ZC3H7A: variants seen among roughly 807,000 people sequenced by gnomAD.
ZC3H7A encodes the protein zinc finger CCCH-type containing 7A, also known as zinc finger CCCH domain-containing protein 7A.
Under a neutral mutation model 125.5 loss-of-function variants are expected in ZC3H7A, and 44 were observed. That is an observed-to-expected ratio of 0.35 (90% CI 0.28 to 0.45). The LOEUF is 0.45. ZC3H7A is among the 20% of genes least tolerant of loss of function. The pLI, the probability that ZC3H7A is intolerant of heterozygous loss-of-function variation, is 1.00. For synonymous variants in ZC3H7A, 399 were observed against 391.2 expected, an observed-to-expected ratio of 1.02 and a Z score of -0.23; for missense variants, 977 against 1,170.7, an observed-to-expected ratio of 0.83 and a Z score of 2.41.
chr16:11,772,577 G>C (rs530719802), intron 9 of ZC3H7A, among the ~76,000 whole-genome samples: 22 of 151,710 alleles, frequency 1.5e-4, no homozygotes, highest in Admixed American at 6.6e-4. Context: ...TCAGTCTTTT[G>C]CACACTGACA....
chr16:11,759,724 G>C (rs1280610652), intron 19 of ZC3H7A: 3 of 152,222 alleles, frequency 2.0e-5, no homozygotes, highest in Admixed American at 6.5e-5. Context: ...TAACTTGACT[G>C]GGGCCCTTCT....
At chr16:11,769,841 G>A (rs1213008112) in intron 10 of ZC3H7A, among the ~76,000 whole-genome samples, 1 of 124,238 alleles carries the variant, frequency 8.0e-6, no homozygotes, top group Non-Finnish European at 1.6e-5. Context: ...CCATGCTGGA[G>A]TGCAGGGGTG....
intron 2 of ZC3H7A, among the ~76,000 whole-genome samples, 183 bp from the exon 3 acceptor site, chr16:11,781,647 T>C (rs926172763): frequency 1.2e-5 from 1 of 84,952 alleles, no homozygotes; most frequent in Middle Eastern, 4.9e-3. Context: ...AAAAAATACA[T>C]ATACATATAT....
In ZC3H7A at chr16:11,772,527, C is replaced by T. The variant is rs114240813; in HGVS notation, c.904-1540G>A. Among the ~76,000 whole-genome samples, 480 of 151,788 alleles carry T rather than the reference C, an allele frequency of 3.2e-3. 7 individuals carry two copies. The highest frequency in any genetic ancestry group is 0.011 in the African/African-American group (435 of 41,142). ...TGATGCACTATGATGAAGTAACTTGCCCAGTATCACAGAGCTGGTAAGAAT... is the reference window on the plus strand; with the variant it reads ...TGATGCACTATGATGAAGTAACTTGTCCAGTATCACAGAGCTGGTAAGAAT... On this transcript the variant is annotated intron_variant, in intron 9 of 22. Coordinates refer to ENST00000355758, the MANE Select transcript of ZC3H7A (RefSeq NM_014153.4).
chr16:11,761,589 G>A, intron 18 of ZC3H7A, 78 bp from the exon 19 acceptor site: 1 of 1,451,310 alleles, frequency 6.9e-7, no homozygotes, highest in South Asian at 1.2e-5. Context: ...CACAAAGTTT[G>A]TACCTGAGGA....
At chr16:11,760,476 T>C (rs2141167270) in intron 19 of ZC3H7A, among the ~76,000 whole-genome samples, 1 of 152,364 alleles carries the variant, frequency 6.6e-6, no homozygotes, top group Non-Finnish European at 1.5e-5. Context: ...AGGCTGGCTG[T>C]GTTACTTGTG....
At chr16:11,779,094 T>C in intron 4 of ZC3H7A, 72 bp downstream of exon 4, 1 of 1,256,750 alleles carries the variant, frequency 8.0e-7, no homozygotes, top group South Asian at 1.4e-5. Context: ...AAATTGACTT[T>C]TTATTAATGT....
chr16:11,774,522 G>A lies in ZC3H7A; in HGVS notation c.620-3C>T. 1 of 1,517,434 alleles carries A rather than the reference G, an allele frequency of 6.6e-7. No individual in the cohort carries two copies. Among genetic ancestry groups the A allele is most frequent in the South Asian group, 1.4e-5 (1 of 73,164 alleles). The allele number at this position is 1,517,434 out of a possible 1,614,324, so 94.0% of individuals were successfully genotyped here. ...TTCTTGCCTTGGAGTTAATAAATCT[G>A]TAACACAGATGGAAATGTACTCAGT... On this transcript the variant is annotated splice_region_variant and splice_polypyrimidine_tract_variant and intron_variant, in intron 8 of 22. Transcript: ENST00000355758.
Position 11,768,488 on chromosome 16 carries a change from C to A in ZC3H7A, c.1187G>T (p.Gly396Val). 2 of 1,471,320 alleles carry A rather than the reference C, an allele frequency of 1.4e-6. No homozygotes were observed. Among genetic ancestry groups the A allele is most frequent in the South Asian group, 1.5e-5 (1 of 66,874 alleles). 91.1% of individuals were successfully genotyped at this position (1,471,320 alleles called of 1,614,324 possible). A position where few individuals can be genotyped will look rare whatever the true frequency, so the allele number is the denominator to read the frequency against. ...NSSLLLMNGP[G>V]SLFASENFLG... ...GAAATTCTCTGAAGCAAACAAACTA[C>A]CTGGTCCATTCATCTGCAAGAAAAA... The change falls in exon 12 of 23, where the codon GGT becomes GTT. Residue 396 changes from glycine (G) to valine (V), a missense_variant. Physicochemically the swap from Gly to Val is moderately radical, Grantham distance 109. This residue lies in a region of ZC3H7A where 342 missense variants were observed against 311.3 expected (regional missense o/e 1.10). Transcript: ENST00000355758.
intron 11 of ZC3H7A, 99 bp from the exon 12 acceptor site, chr16:11,768,600 T>A (rs907196772): frequency 2.7e-6 from 3 of 1,108,730 alleles, no homozygotes; most frequent in Non-Finnish European, 3.7e-6. Context: ...TAAGATAATC[T>A]TCATAAACTG....
chr16:11,757,483 C>CA (rs61471026), intron 20 of ZC3H7A, among the ~76,000 whole-genome samples: 1,814 of 40,380 alleles, frequency 0.045, 115 homozygotes, highest in East Asian at 0.14. Flanking sequence ...GACTCTGTCT[C>CA]AAAAAAAAAA....
chr16:11,762,585 T>C (rs568513940), intron 17 of ZC3H7A, 86 bp downstream of exon 17: 70 of 1,223,490 alleles, frequency 5.7e-5, no homozygotes, highest in Non-Finnish European at 8.0e-5. Flanking sequence ...GGACTGTAAG[T>C]GTTAACTGCA....
intron 9 of ZC3H7A, among the ~76,000 whole-genome samples, chr16:11,772,853 T>C (rs2053010149): frequency 6.6e-6 from 1 of 151,762 alleles, no homozygotes; most frequent in South Asian, 2.1e-4. Context: ...TGCACCACCA[T>C]GCCCAGCTAA....
chr16:11,767,690 A>C, intron 12 of ZC3H7A, 112 bp from the exon 13 acceptor site: 1 of 1,118,086 alleles, frequency 8.9e-7, no homozygotes. Flanking sequence ...AAATTCCCAC[A>C]GAAATCCCAC....
intron 1 of ZC3H7A, chr16:11,796,101 G>C (rs1299157124): frequency 6.6e-6 from 1 of 152,190 alleles, no homozygotes; most frequent in Non-Finnish European, 1.5e-5. Flanking sequence ...CCAAAGTTTT[G>C]GGATGACAGG....
In ZC3H7A at chr16:11,774,379, C is replaced by T. The variant is rs750797587; in HGVS notation, c.760G>A (p.Ala254Thr). 14 of 1,613,724 alleles carry T rather than the reference C, an allele frequency of 8.7e-6. No homozygotes were observed. Among genetic ancestry groups the T allele is most frequent in the Non-Finnish European group, 1.1e-5 (13 of 1,179,862 alleles). ...SILPLQVEESALPSAVLANGG... is the reference protein window; with the variant it reads ...SILPLQVEESTLPSAVLANGG... ...TTTGCCAGCACTGCAGATGGCAGAG[C>T]GCTCTCTTCCACTTGTAGTGGCAAA... is the stretch of plus-strand genomic sequence containing the variant. The change falls in exon 9 of 23, where the codon GCT becomes ACT. Residue 254 changes from alanine (A) to threonine (T), a missense_variant. Transcript: ENST00000355758.
chr16:11,786,306 G>C (rs1192095416), intron 1 of ZC3H7A, among the ~76,000 whole-genome samples: 4 of 152,122 alleles, frequency 2.6e-5, no homozygotes, highest in Admixed American at 1.3e-4. Flanking sequence ...AGGCCAGAGG[G>C]AGGGAACAAA....
chr16:11,778,208 G>C lies in ZC3H7A; in HGVS notation c.306+958C>G, dbSNP rs750982899. ...TCCTAGCACTTTGGGAGGCTGAGGC[G>C]GGCAGATTGCCTGAATTCAGGAGAT... On this transcript the variant is annotated intron_variant, in intron 4 of 22. Coordinates refer to ENST00000355758, the MANE Select transcript of ZC3H7A (RefSeq NM_014153.4). Among the ~76,000 whole-genome samples the C allele has an allele frequency of 2.0e-4, 31 of 151,846 alleles. 1 individual carries two copies. The highest frequency in any genetic ancestry group is 4.6e-4 in the Non-Finnish European group (31 of 67,888).
At chr16:11,774,737 T>C (rs1431226152) in intron 8 of ZC3H7A, among the ~76,000 whole-genome samples, 1 of 152,220 alleles carries the variant, frequency 6.6e-6, no homozygotes, top group Non-Finnish European at 1.5e-5. Flanking sequence ...GGCACAGCTA[T>C]CAGACAGTGG....
Sources: allele counts gnomAD v4.1 joint callset (sites outside exome capture counted in the v4.1 genomes callset), GRCh38; gene constraint gnomAD v4.1.1; regional missense constraint gnomAD v4.1.1; transcripts MANE v1.5; gene names NCBI Gene and HGNC (gene_info 2026-07-23, HGNC 2026-07-21).